Variants in PJA2 observed in about 807,000 individuals in gnomAD.
The protein encoded by PJA2 is E3 ubiquitin-protein ligase Praja-2.
In PJA2, 25 loss-of-function variants were observed where a neutral mutation model predicts 69.3. The observed-to-expected ratio is 0.36, with a 90% CI of 0.26 to 0.50. The LOEUF is 0.50. PJA2 is among the 20% of genes least tolerant of loss of function. The pLI is 0.96. For missense variants in PJA2, 809 were observed against 830.2 expected (o/e 0.97, Z 0.31); for synonymous variants, 308 against 277.8 (o/e 1.11, Z -1.08).
chr5:109,398,289 G>A (rs1441312413), intron 1 of PJA2, among the ~76,000 whole-genome samples: 2 of 152,056 alleles, frequency 1.3e-5, no homozygotes, highest in Admixed American at 6.5e-5. Flanking sequence ...TATACCCAAA[G>A]GATTATAAAT....
intron 7 of PJA2, among the ~76,000 whole-genome samples, chr5:109,354,006 TATAGATTAGATATCTATG>T: frequency 6.9e-6 from 1 of 144,366 alleles, no homozygotes; most frequent in Admixed American, 6.8e-5. Flanking sequence ...TAGAGATATC[TATAGATTAGATATCTATG>T]ATATCTAGAG....
chr5:109,404,769 A>G (rs907077364), intron 1 of PJA2, among the ~76,000 whole-genome samples: 3 of 152,122 alleles, frequency 2.0e-5, no homozygotes, highest in Admixed American at 1.3e-4. Context: ...TCCCCCTCAC[A>G]ATGGGGATTA....
intron 4 of PJA2, among the ~76,000 whole-genome samples, chr5:109,371,808 C>T (rs564986483): frequency 1.3e-5 from 2 of 152,282 alleles, no homozygotes; most frequent in East Asian, 3.9e-4. Context: ...TCTTAAGGTA[C>T]GATAGTTGAG....
chr5:109,345,291 G>A (rs1207876726), intron 7 of PJA2, among the ~76,000 whole-genome samples: 1 of 151,590 alleles, frequency 6.6e-6, no homozygotes, highest in Non-Finnish European at 1.5e-5. Context: ...AGGAGGTAGA[G>A]GTTGTAATGA....
chr5:109,368,618 A>G lies in PJA2; in HGVS notation c.1412T>C (p.Leu471Pro). 6.2e-7 allele frequency: 1 copy of G among 1,614,144 alleles called. No homozygotes were observed. Among genetic ancestry groups the G allele is most frequent in the Non-Finnish European group, 8.5e-7 (1 of 1,180,022 alleles). ...LPGKDENEPE[L>P]QSDSSGPEEE... ...TTCAGGGCCACTGCTATCACTTTGTAGCTCAGGTTCATTCTCATCTTTTCC... is the reference window on the plus strand; with the variant it reads ...TTCAGGGCCACTGCTATCACTTTGTGGCTCAGGTTCATTCTCATCTTTTCC... The change falls in exon 5 of 10, where the codon CTA (leucine) becomes CCA (proline). Residue 471 changes from leucine to proline, a missense_variant. Around this residue, in one of 4 missense-constraint regions of PJA2, gnomAD observed 700 missense variants for 639.5 expected, o/e 1.09. Transcript: ENST00000361189.
At chr5:109,388,226 G>C (rs1277838563) in intron 1 of PJA2, among the ~76,000 whole-genome samples, 1 of 152,172 alleles carries the variant, frequency 6.6e-6, no homozygotes, top group Non-Finnish European at 1.5e-5. Flanking sequence ...CCCACATGGT[G>C]AAATACTGAC....
intron 7 of PJA2, among the ~76,000 whole-genome samples, chr5:109,352,915 TATA>T (rs770305664): frequency 2.2e-4 from 31 of 143,342 alleles, no homozygotes; most frequent in African/African-American, 5.5e-4. Flanking sequence ...ATTAGATACC[TATA>T]ATATCATAGA....
At chr5:109,352,507 T>C (rs1395858735) in intron 7 of PJA2, among the ~76,000 whole-genome samples, 3 of 152,172 alleles carry the variant, frequency 2.0e-5, no homozygotes, top group Non-Finnish European at 4.4e-5. Context: ...TTATTTCTTA[T>C]GTGTCAGAAT....
chr5:109,409,246 G>A (rs1194861404), intron 1 of PJA2: 1 of 152,242 alleles, frequency 6.6e-6, no homozygotes, highest in Admixed American at 6.5e-5. Context: ...CTGATCCCGG[G>A]AGTAGAGCGA....
At chr5:109,408,440 G>A (rs943057842) in intron 1 of PJA2, among the ~76,000 whole-genome samples, 4 of 151,996 alleles carry the variant, frequency 2.6e-5, no homozygotes, top group African/African-American at 9.7e-5. Context: ...AAGTATTAGG[G>A]AGACCTATAT....
At chr5:109,351,473 T>G (rs1441803169) in intron 7 of PJA2, among the ~76,000 whole-genome samples, 1 of 152,114 alleles carries the variant, frequency 6.6e-6, no homozygotes, top group Non-Finnish European at 1.5e-5. Context: ...CTTTTTATAT[T>G]AAAAATTTTA....
At chr5:109,353,043 C>CTAT (rs1262800061) in intron 7 of PJA2, among the ~76,000 whole-genome samples, 3 of 120,132 alleles carry the variant, frequency 2.5e-5, no homozygotes, top group South Asian at 2.6e-4. Flanking sequence ...TATTAGATAC[C>CTAT]TATATCATAG....
In PJA2 at chr5:109,398,481, C is replaced by T. The variant is rs539067342; in HGVS notation, c.-88+11361G>A. On this transcript the variant is annotated intron_variant, in intron 1 of 9. Coordinates refer to ENST00000361189, the MANE Select transcript of PJA2 (RefSeq NM_014819.5). ...GATGAGTTCATGTCCTTTGTGGGCA[C>T]ATGGATGAAGCTCGAAACCATCATT... 2.6e-5 allele frequency among the ~76,000 whole-genome samples: 4 copies of T among 152,172 alleles called. No homozygotes were observed. The East Asian group carries it at 7.7e-4, about 29-fold the overall frequency.
chr5:109,345,426 A>G (rs1762156677), intron 7 of PJA2, among the ~76,000 whole-genome samples: 1 of 149,728 alleles, frequency 6.7e-6, no homozygotes, highest in African/African-American at 2.5e-5. Flanking sequence ...CTGAGGCAGG[A>G]GAATCGCTTG....
intron 4 of PJA2, among the ~76,000 whole-genome samples, chr5:109,369,594 TCTA>T (rs1208237151): frequency 6.6e-6 from 1 of 152,240 alleles, no homozygotes; most frequent in Non-Finnish European, 1.5e-5. Flanking sequence ...TGAATAAATT[TCTA>T]CTATTACCAT....
chr5:109,343,136 G>C (rs1011502971), intron 9 of PJA2, among the ~76,000 whole-genome samples: 1 of 117,078 alleles, frequency 8.5e-6, no homozygotes, highest in Non-Finnish European at 1.7e-5. Flanking sequence ...GTAGACATGG[G>C]AGACTTTTCA....
chr5:109,386,235 A>C (rs545344796), intron 1 of PJA2, among the ~76,000 whole-genome samples: 1 of 152,338 alleles, frequency 6.6e-6, no homozygotes, highest in Non-Finnish European at 1.5e-5. Context: ...GAAAAGAAAA[A>C]TACTGAAGTG....
In PJA2 at chr5:109,396,422, C is replaced by CTTT. The variant is rs35744917; in HGVS notation, c.-87-12905_-87-12903dup. 2.5e-3 allele frequency among the ~76,000 whole-genome samples: 216 copies of CTTT among 85,242 alleles called. 2 individuals are homozygous for CTTT. The highest frequency in any genetic ancestry group is 3.6e-3 in the Non-Finnish European group (158 of 44,404). The allele number at this position is 85,242 out of a possible 152,430, so 55.9% of individuals were successfully genotyped here. A position where few individuals can be genotyped will look rare whatever the true frequency, so the allele number is the denominator to read the frequency against. On this transcript the variant is annotated intron_variant, in intron 1 of 9. Transcript: ENST00000361189. ...TTACTTCTACTTAACATGTAAAGTTCTTTTTTTTTTTTTTTTTTTTTTGAG... is the reference window on the plus strand; with the variant it reads ...TTACTTCTACTTAACATGTAAAGTTCTTTTTTTTTTTTTTTTTTTTTTTTTGAG...
intron 1 of PJA2, among the ~76,000 whole-genome samples, chr5:109,398,176 G>A (rs1013976195): frequency 2.6e-5 from 4 of 152,126 alleles, no homozygotes; most frequent in Non-Finnish European, 5.9e-5. Flanking sequence ...AGGATGTGGA[G>A]AAATAGGAAC....
Sources: gnomAD v4.1 joint callset for allele counts (sites outside exome capture counted in the v4.1 genomes callset) on GRCh38, gnomAD v4.1.1 for gene constraint, gnomAD v4.1.1 regional missense constraint, MANE v1.5 for transcripts, NCBI Gene and HGNC (gene_info 2026-07-23, HGNC 2026-07-21) for gene names.